The following SETD2 variants were observed in gnomAD, a reference collection of about 807,000 sequenced individuals.
SETD2 encodes the protein histone-lysine N-methyltransferase SETD2.
SETD2 carries 31 observed loss-of-function variants against 242.1 expected under a neutral mutation model. The observed-to-expected ratio is 0.13, with a 90% confidence interval of 0.10 to 0.17. The LOEUF (loss-of-function observed/expected upper bound fraction) is 0.17, where lower values mean the gene tolerates loss of function less well. Among genes scored for constraint, SETD2 ranks in the 10% least tolerant of loss-of-function variants. SETD2 has a pLI of 1.00. For missense variants in SETD2, 2,481 were observed against 3,046.3 expected (o/e 0.81, Z 4.37); for synonymous variants, 1,006 against 1,066.5 (o/e 0.94, Z 1.11).
At chr3:47,029,065 AT>A (rs35295276) in intron 18 of SETD2, 58,178 of 156,554 alleles carry the variant, frequency 0.37, 10,497 homozygotes, top group Middle Eastern at 0.48. Flanking sequence ...CAAACTTTTA[AT>A]TTTTTTTTTT....
chr3:47,119,230 G>C (rs1388212813), intron 3 of SETD2, among the ~76,000 whole-genome samples: 1 of 152,096 alleles, frequency 6.6e-6, no homozygotes, highest in Non-Finnish European at 1.5e-5. Flanking sequence ...TCAAGGAGGG[G>C]TTAAAGTTAA....
chr3:47,031,639 A>C (rs1049195986), intron 18 of SETD2, among the ~76,000 whole-genome samples: 2 of 152,204 alleles, frequency 1.3e-5, no homozygotes, highest in Non-Finnish European at 2.9e-5. Context: ...TAAATATAGG[A>C]CTTAATGGTA....
chr3:47,081,970 AG>A (rs2041334421), intron 12 of SETD2, among the ~76,000 whole-genome samples: 1 of 152,226 alleles, frequency 6.6e-6, no homozygotes, highest in Non-Finnish European at 1.5e-5. Flanking sequence ...TCAAATCAAG[AG>A]GATCATCAAG....
intron 1 of SETD2, among the ~76,000 whole-genome samples, chr3:47,134,291 T>A (rs2043545389): frequency 6.6e-6 from 1 of 152,214 alleles, no homozygotes. Flanking sequence ...GTCATGCATG[T>A]TTTGACATTT....
Position 47,017,314 on chromosome 3 carries a change from G to C in SETD2, c.7534-60C>G. 1 of 1,572,112 alleles carries C rather than the reference G, an allele frequency of 6.4e-7. No homozygotes were observed. The highest frequency in any genetic ancestry group is 8.7e-7 in the Non-Finnish European group (1 of 1,149,710). On this transcript the variant is annotated intron_variant, in intron 20 of 20. Transcript: ENST00000409792. This position sits in a 1 kb window ranked among gnomAD's most constrained non-coding sequence, Gnocchi z 4.8. ...CAATCAGAGCAGAAATTATATGAGGGGGAGGACAGGGGTGGTAATCCAGCC... is the reference window on the plus strand; with the variant it reads ...CAATCAGAGCAGAAATTATATGAGGCGGAGGACAGGGGTGGTAATCCAGCC...
rs538113130 is a variant in SETD2, at chr3:47,147,323, A to ATT, written c.71+16529_71+16530dup. On this transcript the variant is annotated intron_variant, in intron 1 of 20. Transcript: ENST00000409792. ...CCACCAAGCCTAGCCACTGCATGTC[A>ATT]TTTTTTTTTTTTTTTTTGAGACATA... Among the ~76,000 whole-genome samples the ATT allele has an allele frequency of 9.9e-3, 1,244 of 126,136 alleles. 27 individuals are homozygous for ATT. Among genetic ancestry groups the ATT allele is most frequent in the South Asian group, 0.029 (111 of 3,770 alleles). 82.8% of individuals were successfully genotyped at this position (126,136 alleles called of 152,430 possible). A position where few individuals can be genotyped will look rare whatever the true frequency, so the allele number is the denominator to read the frequency against.
chr3:47,100,859 A>C (rs972215289), intron 8 of SETD2, among the ~76,000 whole-genome samples: 17 of 151,578 alleles, frequency 1.1e-4, no homozygotes, highest in African/African-American at 4.8e-5. Flanking sequence ...AAATACAAAA[A>C]ATTAGCTGGG....
rs747086942 is a variant in SETD2, at chr3:47,120,494, A to G, written c.4142T>C (p.Leu1381Ser). Reference sequence around the variant, plus strand: ...AAAATCTTTCTTTTCATTCACAGCTAAAGTGTCCTTAATGGAATTGCTGCT... The same window carrying G: ...AAAATCTTTCTTTTCATTCACAGCTGAAGTGTCCTTAATGGAATTGCTGCT... ...EISSNSIKDT[L>S]AVNEKKDFSK... Residue 1381 changes from leucine to serine, a missense_variant, in exon 3 of 21, where the codon TTA becomes TCA. Physicochemically the swap from Leu to Ser is moderately radical, Grantham distance 145. Transcript: ENST00000409792. 1.3e-5 allele frequency: 21 copies of G among 1,613,780 alleles called. No homozygotes were observed. The highest frequency in any genetic ancestry group is 6.7e-5 in the African/African-American group (5 of 74,824).
chr3:47,157,481 A>C (rs2044151451), intron 1 of SETD2: 2 of 456,070 alleles, frequency 4.4e-6, no homozygotes, highest in Admixed American at 4.7e-5. Context: ...ATTCTTTCCC[A>C]GTTAAACTTT....
chr3:47,047,983 C>T (rs546093238), intron 15 of SETD2, among the ~76,000 whole-genome samples: 2 of 152,260 alleles, frequency 1.3e-5, no homozygotes, highest in African/African-American at 4.8e-5. Context: ...GTCTGTTGTT[C>T]CTAGGCTACA....
intron 7 of SETD2, 123 bp from the exon 8 acceptor site, chr3:47,101,678 G>T: frequency 1.8e-6 from 1 of 554,288 alleles, no homozygotes. Context: ...TTATGCAAGT[G>T]GGTCTTTAGG....
chr3:47,139,812 G>C (rs973769067), intron 1 of SETD2, among the ~76,000 whole-genome samples: 1 of 152,106 alleles, frequency 6.6e-6, no homozygotes, highest in African/African-American at 2.4e-5. Context: ...CTTTATCAAA[G>C]ACATTGAAAT....
chr3:47,048,117 C>T (rs1049933404), intron 15 of SETD2, among the ~76,000 whole-genome samples: 4 of 152,122 alleles, frequency 2.6e-5, no homozygotes, highest in East Asian at 1.9e-4. Context: ...GGCCGGGGCA[C>T]GGTGGCTCAC....
Position 47,114,684 on chromosome 3 carries a change from C to A in SETD2, c.4587-680G>T, listed in dbSNP as rs552274205. On this transcript the variant is annotated intron_variant, in intron 4 of 20. Transcript: ENST00000409792. ...ACTTGAGGTCAGGAATTCAAGACCA[C>A]CCTCGCCAACATAGTGAAATCCTGT... Among the ~76,000 whole-genome samples the A allele has an allele frequency of 2.9e-4, 44 of 151,960 alleles. No homozygotes were observed. In the South Asian group the frequency reaches 8.9e-3, roughly 31 times the overall value.
At chr3:47,030,888 C>T (rs994985875) in intron 18 of SETD2, among the ~76,000 whole-genome samples, 6 of 152,118 alleles carry the variant, frequency 3.9e-5, no homozygotes, top group Admixed American at 3.9e-4. Flanking sequence ...AAACAAACTG[C>T]GGCGCACTCA....
At chr3:47,059,108 C>CTTTTTT (rs111615859) in intron 14 of SETD2, among the ~76,000 whole-genome samples, 4 of 104,550 alleles carry the variant, frequency 3.8e-5, no homozygotes, top group African/African-American at 7.8e-5. Flanking sequence ...CACGCCTGGC[C>CTTTTTT]TTTTTTTTTT....
chr3:47,017,879 C>A lies in SETD2; in HGVS notation c.7432-140G>T. 1 of 672,680 alleles carries A rather than the reference C, an allele frequency of 1.5e-6. No individual in the cohort carries two copies. Among genetic ancestry groups the A allele is most frequent in the Non-Finnish European group, 2.7e-6 (1 of 370,264 alleles). 41.7% of individuals were successfully genotyped at this position (672,680 alleles called of 1,614,324 possible). ...CCTCCCTCAGGTTAACTGGTTTGGA[C>A]AGTGGAATACTAGTAAGCCAGTAAG... On this transcript the variant is annotated intron_variant, in intron 19 of 20. Transcript: ENST00000409792. This position sits in a 1 kb window ranked among gnomAD's most constrained non-coding sequence, Gnocchi z 4.8.
intron 1 of SETD2, among the ~76,000 whole-genome samples, chr3:47,149,847 T>G (rs920086482): frequency 6.6e-6 from 1 of 151,932 alleles, no homozygotes; most frequent in Non-Finnish European, 1.5e-5. Flanking sequence ...ATGAAAAGAG[T>G]TTAAATATAA....
Position 47,016,954 on chromosome 3 carries a change from T to C in SETD2, c.*139A>G. ...TCATTTTTGTGGCCTTCAGTTGACA[T>C]CTGCAGGGTTGAATTCCCCAGGGTG... On this transcript the variant is annotated 3_prime_UTR_variant, in exon 21 of 21. Transcript: ENST00000409792. 2 of 794,194 alleles carry C rather than the reference T, an allele frequency of 2.5e-6. No homozygotes were observed. The highest frequency in any genetic ancestry group is 4.1e-6 in the Non-Finnish European group (2 of 490,890). The allele number at this position is 794,194 out of a possible 1,614,324, so 49.2% of individuals were successfully genotyped here.
Sources: allele counts gnomAD v4.1 joint callset (sites outside exome capture counted in the v4.1 genomes callset), GRCh38; gene constraint gnomAD v4.1.1; non-coding constraint Gnocchi (gnomAD v3.1); transcripts MANE v1.5; gene names NCBI Gene and HGNC (gene_info 2026-07-23, HGNC 2026-07-21).